LDAH: variants seen among roughly 807,000 people sequenced by gnomAD.
LDAH encodes the protein lipid droplet associated hydrolase, also known as lipid droplet-associated hydrolase.
Under a neutral mutation model 29.6 loss-of-function variants are expected in LDAH, and 26 were observed. That is an observed-to-expected ratio of 0.88 (90% CI 0.64 to 1.22). LDAH has a LOEUF of 1.22. Among genes scored for constraint, LDAH ranks in the 50% most tolerant of loss-of-function variants. LDAH has a pLI of 0.00. For synonymous variants in LDAH, 117 were observed against 133.0 expected (o/e 0.88, Z 0.83); for missense variants, 344 against 387.3 (o/e 0.89, Z 0.94).
intron 1 of LDAH, among the ~76,000 whole-genome samples, chr2:20,807,054 G>GTACAATCAATCA (rs1672112504): frequency 6.6e-6 from 1 of 151,834 alleles, no homozygotes; most frequent in South Asian, 2.1e-4. Context: ...AAAAGAGATG[G>GTACAATCAATCA]TACAATCAAT....
chr2:20,728,326 A>G lies in LDAH; in HGVS notation c.703+11645T>C, dbSNP rs1049182276. Among the ~76,000 whole-genome samples, 4 of 152,156 alleles carry G rather than the reference A, an allele frequency of 2.6e-5. No homozygotes were observed. In the East Asian group the frequency reaches 7.7e-4, roughly 29 times the overall value. On this transcript the variant is annotated intron_variant, in intron 5 of 6. Transcript: ENST00000237822. ...ACAGAGAAACAGGTCTGTGGGGGCC[A>G]GGGGGAAATATCCAGCTGGACCAGA...
At chr2:20,720,098 A>T (rs879557808) in intron 5 of LDAH, among the ~76,000 whole-genome samples, 2 of 152,184 alleles carry the variant, frequency 1.3e-5, no homozygotes, top group Non-Finnish European at 2.9e-5. Flanking sequence ...ATAGTATTAG[A>T]AGTCCTAGAT....
chr2:20,763,732 G>A (rs1668839436), intron 4 of LDAH, among the ~76,000 whole-genome samples: 1 of 152,098 alleles, frequency 6.6e-6, no homozygotes, highest in South Asian at 2.1e-4. Context: ...AGAGGATGGG[G>A]GAACTTTTCG....
chr2:20,790,805 G>C (rs541447760), intron 2 of LDAH, among the ~76,000 whole-genome samples: 1 of 152,266 alleles, frequency 6.6e-6, no homozygotes, highest in South Asian at 2.1e-4. Context: ...TGTACAGCTT[G>C]ATCTTTTGGG....
chr2:20,761,008 A>G (rs1370955221), intron 4 of LDAH, among the ~76,000 whole-genome samples: 1 of 152,150 alleles, frequency 6.6e-6, no homozygotes, highest in Non-Finnish European at 1.5e-5. Flanking sequence ...GTGCTATCCA[A>G]TTTAAGAAAT....
At chr2:20,720,531 A>G (rs1311628306) in intron 5 of LDAH, among the ~76,000 whole-genome samples, 1 of 152,196 alleles carries the variant, frequency 6.6e-6, no homozygotes, top group Non-Finnish European at 1.5e-5. Context: ...AATATCATTG[A>G]AATGTTATAT....
chr2:20,724,953 G>T (rs1665908780), intron 5 of LDAH, among the ~76,000 whole-genome samples: 1 of 152,090 alleles, frequency 6.6e-6, no homozygotes, highest in Non-Finnish European at 1.5e-5. Context: ...ACAGGAGATG[G>T]GCATGGTTTC....
At position 20,774,904 on chromosome 2, in the gene LDAH, G is replaced by A; in HGVS notation, c.374C>T (p.Thr125Ile). The change falls in exon 4 of 7, where the codon ACT becomes ATT. Residue 125 changes from threonine (T) to isoleucine (I), a missense_variant. Thr to Ile is a moderately conservative substitution (Grantham distance 89). Transcript: ENST00000237822. ...AAGTTTCATGTCCTTTGGCACATGA[G>A]TTCTCAGGAAAGCTAGTTTGTGCTC... is the stretch of plus-strand genomic sequence containing the variant. ...QIEHKLAFLR[T>I]HVPKDMKLVL... 1.2e-6 allele frequency: 2 copies of A among 1,613,602 alleles called. No homozygotes were observed. Among genetic ancestry groups the A allele is most frequent in the Non-Finnish European group, 1.7e-6 (2 of 1,179,860 alleles).
At chr2:20,700,491 G>A (rs1035981951) in intron 6 of LDAH, among the ~76,000 whole-genome samples, 3 of 152,058 alleles carry the variant, frequency 2.0e-5, no homozygotes, top group Admixed American at 6.6e-5. Flanking sequence ...TAAGTCAAAT[G>A]TATCAAGGTT....
intron 5 of LDAH, among the ~76,000 whole-genome samples, chr2:20,723,020 A>G (rs182131701): frequency 4.7e-4 from 72 of 152,358 alleles, no homozygotes; most frequent in African/African-American, 1.7e-3. Context: ...AAATATGTGC[A>G]TAAGTTCACT....
chr2:20,733,719 TA>T (rs1039594484), intron 5 of LDAH, among the ~76,000 whole-genome samples: 1 of 151,472 alleles, frequency 6.6e-6, no homozygotes, highest in Non-Finnish European at 1.5e-5. Flanking sequence ...TTAAATTTTT[TA>T]TAGAGACAGG....
chr2:20,769,384 C>G (rs942996234), intron 4 of LDAH, among the ~76,000 whole-genome samples: 3 of 152,132 alleles, frequency 2.0e-5, no homozygotes, highest in Admixed American at 1.3e-4. Context: ...AAATTTACTA[C>G]GACAAATGAG....
At chr2:20,808,479 C>T (rs1037752897) in intron 1 of LDAH, among the ~76,000 whole-genome samples, 13 of 151,874 alleles carry the variant, frequency 8.6e-5, no homozygotes, top group Non-Finnish European at 1.8e-4. Context: ...CTGGCTAACA[C>T]GGTGAAACCC....
At chr2:20,732,059 G>A (rs1460992812) in intron 5 of LDAH, among the ~76,000 whole-genome samples, 2 of 152,010 alleles carry the variant, frequency 1.3e-5, no homozygotes, top group East Asian at 3.9e-4. Context: ...AGTGCTGAGA[G>A]CAGACATCTT....
chr2:20,687,152 A>T, intron 6 of LDAH, 58 bp from the exon 7 acceptor site: 1 of 1,443,102 alleles, frequency 6.9e-7, no homozygotes, highest in Non-Finnish European at 9.5e-7. Context: ...TGACACAGAT[A>T]TGACACCAGC....
chr2:20,803,226 C>A (rs1671841622), intron 1 of LDAH, among the ~76,000 whole-genome samples: 1 of 152,184 alleles, frequency 6.6e-6, no homozygotes, highest in African/African-American at 2.4e-5. Flanking sequence ...AAAAACAACA[C>A]TGCTGTAGTA....
intron 5 of LDAH, among the ~76,000 whole-genome samples, chr2:20,709,074 C>A (rs1356127701): frequency 1.3e-5 from 2 of 152,108 alleles, no homozygotes; most frequent in East Asian, 1.9e-4. Flanking sequence ...AACATAAAAT[C>A]TGAAATCTTC....
intron 3 of LDAH, 22 bp downstream of exon 3, chr2:20,790,233 G>A: frequency 6.2e-7 from 1 of 1,613,192 alleles, no homozygotes; most frequent in Non-Finnish European, 8.5e-7. Context: ...CTAAAGGAAA[G>A]TAGATATTAA....
chr2:20,754,423 G>A (rs934199170), intron 4 of LDAH, among the ~76,000 whole-genome samples: 1 of 147,102 alleles, frequency 6.8e-6, no homozygotes, highest in African/African-American at 2.6e-5. Flanking sequence ...CCCAGGAGGT[G>A]GAGTTTGCAG....
Sources: gnomAD v4.1 joint callset for allele counts (sites outside exome capture counted in the v4.1 genomes callset) on GRCh38, gnomAD v4.1.1 for gene constraint, MANE v1.5 for transcripts, NCBI Gene and HGNC (gene_info 2026-07-23, HGNC 2026-07-21) for gene names.